CSNK2A2: variants seen among roughly 807,000 people sequenced by gnomAD.
The protein encoded by CSNK2A2 is casein kinase II subunit alpha'.
In CSNK2A2, 8 loss-of-function variants were observed where a neutral mutation model predicts 54.0. The ratio of observed to expected loss-of-function variants is 0.15; its 90% CI spans 0.09 to 0.27. CSNK2A2 has a LOEUF of 0.27. CSNK2A2 is among the 10% of genes least tolerant of loss of function. The pLI is 1.00. For missense variants in CSNK2A2, 242 were observed against 439.4 expected, an observed-to-expected ratio of 0.55 and a Z score of 4.02; for synonymous variants, 141 against 153.9, an observed-to-expected ratio of 0.92 and a Z score of 0.62.
intron 4 of CSNK2A2, among the ~76,000 whole-genome samples, chr16:58,179,023 T>C (rs898122433): frequency 2.6e-5 from 4 of 152,188 alleles, no homozygotes; most frequent in Non-Finnish European, 5.9e-5. Context: ...AGAGAAACTT[T>C]TGAGTATGAA....
At position 58,198,036 on chromosome 16, in the gene CSNK2A2, C is replaced by A. The variant is rs1385113721; in HGVS notation, c.-300G>T. 1 of 144,638 alleles carries A rather than the reference C, an allele frequency of 6.9e-6. No individual in the cohort carries two copies. Among genetic ancestry groups the A allele is most frequent in the Non-Finnish European group, 1.5e-5 (1 of 65,128 alleles). 9.0% of individuals were successfully genotyped at this position (144,638 alleles called of 1,614,324 possible). On this transcript the variant is annotated 5_prime_UTR_variant, in exon 1 of 12. Coordinates refer to ENST00000262506, the MANE Select transcript of CSNK2A2 (RefSeq NM_001896.4). ...CGCGGCCCCCAGGAGGCGGCGGCGG[C>A]GGCACCGGCAGCGGCAGCCACCGGC...
intron 2 of CSNK2A2, among the ~76,000 whole-genome samples, chr16:58,191,893 T>C (rs971591576): frequency 1.1e-4 from 17 of 152,212 alleles, no homozygotes; most frequent in South Asian, 2.1e-4. Context: ...TTAACAGTTT[T>C]ACTTGAGGAA....
intron 5 of CSNK2A2, among the ~76,000 whole-genome samples, chr16:58,173,850 G>A (rs142288142): frequency 1.2e-4 from 18 of 152,264 alleles, no homozygotes; most frequent in Admixed American, 6.5e-4. Context: ...TGGCCAATAG[G>A]GTTATTAGCA....
intron 4 of CSNK2A2, among the ~76,000 whole-genome samples, chr16:58,177,853 C>T (rs909699759): frequency 2.0e-5 from 3 of 152,186 alleles, no homozygotes; most frequent in South Asian, 2.1e-4. Flanking sequence ...GAATTGTTTA[C>T]ATGTAACCTC....
intron 11 of CSNK2A2, chr16:58,161,558 CACAG>C (rs896716996): frequency 3.0e-5 from 4 of 131,250 alleles, no homozygotes; most frequent in African/African-American, 1.7e-4. Flanking sequence ...CAGACACACA[CACAG>C]ACACACACAC....
chr16:58,184,188 G>T, intron 4 of CSNK2A2, 72 bp downstream of exon 4: 1 of 1,229,146 alleles, frequency 8.1e-7, no homozygotes, highest in Non-Finnish European at 1.2e-6. Context: ...CTTGGGTTCT[G>T]GAGTACACAG....
chr16:58,179,103 T>C (rs1048571907), intron 4 of CSNK2A2, among the ~76,000 whole-genome samples: 2 of 152,192 alleles, frequency 1.3e-5, no homozygotes, highest in African/African-American at 2.4e-5. Flanking sequence ...GTGGTTTGCA[T>C]AGGAAAACAG....
At chr16:58,184,367 G>T in intron 3 of CSNK2A2, 57 bp from the exon 4 acceptor site, 1 of 1,327,702 alleles carries the variant, frequency 7.5e-7, no homozygotes, top group Non-Finnish European at 1.1e-6. Flanking sequence ...AATGTAATCT[G>T]CTTCTGCCAA....
At chr16:58,165,311 CAG>C (rs1456129451) in intron 10 of CSNK2A2, among the ~76,000 whole-genome samples, 1 of 152,212 alleles carries the variant, frequency 6.6e-6, no homozygotes, top group African/African-American at 2.4e-5. Context: ...TCTATTAACT[CAG>C]GGTAACAGGG....
intron 11 of CSNK2A2, chr16:58,159,448 G>A (rs959572315): frequency 6.6e-6 from 1 of 152,212 alleles, no homozygotes; most frequent in Admixed American, 6.5e-5. Context: ...TCTGCCAAAG[G>A]AAAGTTTTCA....
At chr16:58,173,359 A>G (rs1273228287) in intron 5 of CSNK2A2, among the ~76,000 whole-genome samples, 2 of 152,068 alleles carry the variant, frequency 1.3e-5, no homozygotes, top group Non-Finnish European at 2.9e-5. Context: ...AACTGTTCTT[A>G]AGATCTACAA....
intron 4 of CSNK2A2, among the ~76,000 whole-genome samples, chr16:58,181,632 A>G (rs1567470027): frequency 6.6e-6 from 1 of 151,990 alleles, no homozygotes; most frequent in Non-Finnish European, 1.5e-5. Context: ...ATAAAACATA[A>G]AAGAACAGGA....
At chr16:58,193,725 G>A (rs751964760) in intron 2 of CSNK2A2, among the ~76,000 whole-genome samples, 2 of 152,174 alleles carry the variant, frequency 1.3e-5, no homozygotes, top group Non-Finnish European at 2.9e-5. Context: ...ATGAAGAACT[G>A]ATTTTTCAAA....
At chr16:58,190,200 TTAGC>T (rs1253189791) in intron 2 of CSNK2A2, among the ~76,000 whole-genome samples, 1 of 152,072 alleles carries the variant, frequency 6.6e-6, no homozygotes, top group African/African-American at 2.4e-5. Context: ...CTCAATCAGT[TTAGC>T]TATTGTCCAA....
intron 4 of CSNK2A2, among the ~76,000 whole-genome samples, chr16:58,180,488 A>G (rs1337440515): frequency 1.3e-5 from 2 of 152,124 alleles, no homozygotes; most frequent in Non-Finnish European, 2.9e-5. Flanking sequence ...TCAAGAAGAG[A>G]CAGAAAACCT....
intron 4 of CSNK2A2, among the ~76,000 whole-genome samples, chr16:58,183,983 G>A (rs1962129866): frequency 1.3e-5 from 2 of 152,148 alleles, no homozygotes; most frequent in Admixed American, 6.5e-5. Context: ...AAGCTATGCT[G>A]TCTAAAACAG....
At chr16:58,184,219 T>G (rs759272792) in intron 4 of CSNK2A2, 41 bp downstream of exon 4, 1 of 1,511,372 alleles carries the variant, frequency 6.6e-7, no homozygotes, top group South Asian at 1.2e-5. Flanking sequence ...CAGCTCCCCC[T>G]CACCCCGTTA....
At chr16:58,162,060 G>T (rs1159308653) in intron 11 of CSNK2A2, 1 of 151,890 alleles carries the variant, frequency 6.6e-6, no homozygotes, top group African/African-American at 2.4e-5. Context: ...GGCACCTCTT[G>T]CCTGGTCCAG....
chr16:58,183,130 T>C (rs1962101028), intron 4 of CSNK2A2, among the ~76,000 whole-genome samples: 1 of 151,760 alleles, frequency 6.6e-6, no homozygotes, highest in Non-Finnish European at 1.5e-5. Flanking sequence ...GAGGCCGAGG[T>C]GGGTGGATCA....
Sources: allele counts gnomAD v4.1 joint callset (sites outside exome capture counted in the v4.1 genomes callset), GRCh38; gene constraint gnomAD v4.1.1; transcripts MANE v1.5; gene names NCBI Gene and HGNC (gene_info 2026-07-23, HGNC 2026-07-21).